Variants in EYS observed in about 807,000 individuals in gnomAD.
EYS encodes protein eyes shut homolog.
Under a neutral mutation model 282.1 loss-of-function variants are expected in EYS, and 250 were observed. The observed-to-expected ratio is 0.89, with a 90% CI of 0.80 to 0.98. The LOEUF is 0.98. EYS is among the 50% of genes least tolerant of loss of function. The pLI is 0.00. For missense variants in EYS, 4,016 were observed against 3,709.0 expected (o/e 1.08, Z -2.15); for synonymous variants, 1,355 against 1,282.9 (o/e 1.06, Z -1.20).
chr6:64,603,067 A>G (rs370252928), intron 24 of EYS, among the ~76,000 whole-genome samples: 1 of 151,976 alleles, frequency 6.6e-6, no homozygotes, highest in Non-Finnish European at 1.5e-5. Flanking sequence ...AGAATATGTA[A>G]TATCATGGAT....
intron 24 of EYS, among the ~76,000 whole-genome samples, chr6:64,599,354 T>A (rs1323474003): frequency 6.6e-6 from 1 of 152,200 alleles, no homozygotes; most frequent in East Asian, 1.9e-4. Flanking sequence ...GAGTAAAGTT[T>A]GTATTCAGGG....
chr6:65,681,101 G>A (rs750384107), intron 1 of EYS, among the ~76,000 whole-genome samples: 1 of 149,040 alleles, frequency 6.7e-6, no homozygotes, highest in Non-Finnish European at 1.5e-5. Flanking sequence ...GAGATTCTAA[G>A]GATTCAATTC....
chr6:64,313,773 C>T (rs1769823638), intron 29 of EYS, among the ~76,000 whole-genome samples: 1 of 152,058 alleles, frequency 6.6e-6, no homozygotes, highest in African/African-American at 2.4e-5. Context: ...ACCTAAGCTT[C>T]ATAAGTGAAG....
In EYS at chr6:63,727,551, C is replaced by A. The variant is rs542521346; in HGVS notation, c.8072-871G>T. Among the ~76,000 whole-genome samples, 105 of 149,138 alleles carry A rather than the reference C, an allele frequency of 7.0e-4. 1 individual carries two copies. The South Asian group carries it at 0.022, about 31-fold the overall frequency. On this transcript the variant is annotated intron_variant, in intron 41 of 42. Coordinates refer to ENST00000503581, the MANE Select transcript of EYS (RefSeq NM_001142800.2). ...GCCAAGAATGCAAAGCGCTATACCT[C>A]ATTCCTAGAGGGCCTGATTTATTAA...
chr6:64,341,316 G>A (rs924708318), intron 29 of EYS, among the ~76,000 whole-genome samples: 1 of 151,718 alleles, frequency 6.6e-6, no homozygotes, highest in Non-Finnish European at 1.5e-5. Flanking sequence ...ATGGTGGATT[G>A]GATAAATAAA....
intron 1 of EYS, among the ~76,000 whole-genome samples, chr6:65,664,166 G>A (rs1366673219): frequency 1.3e-5 from 2 of 151,948 alleles, no homozygotes; most frequent in East Asian, 1.9e-4. Context: ...CACCGCGCCC[G>A]GCCCATAAAT....
chr6:65,036,360 C>G (rs886639874), intron 13 of EYS, among the ~76,000 whole-genome samples: 1 of 151,744 alleles, frequency 6.6e-6, no homozygotes. Context: ...AAATGTATCA[C>G]CTAAAACTAT....
chr6:64,161,432 C>T (rs1186058290), intron 31 of EYS, among the ~76,000 whole-genome samples: 1 of 152,064 alleles, frequency 6.6e-6, no homozygotes, highest in Non-Finnish European at 1.5e-5. Flanking sequence ...TAAGATCTCC[C>T]ACAACAAAAT....
chr6:65,299,409 C>A (rs551703158), intron 11 of EYS, among the ~76,000 whole-genome samples: 1 of 151,982 alleles, frequency 6.6e-6, no homozygotes, highest in African/African-American at 2.4e-5. Context: ...CCCCTGACCC[C>A]CCCCAAAAAA....
chr6:64,071,179 G>A (rs1373906975), intron 32 of EYS, among the ~76,000 whole-genome samples: 2 of 152,190 alleles, frequency 1.3e-5, no homozygotes, highest in East Asian at 3.9e-4. Context: ...AGGGCTCAAA[G>A]AATGGTTCAG....
At chr6:63,865,846 T>C (rs1772659253) in intron 35 of EYS, among the ~76,000 whole-genome samples, 1 of 152,200 alleles carries the variant, frequency 6.6e-6, no homozygotes, top group South Asian at 2.1e-4. Context: ...TCCATGATAA[T>C]GTTGTGAAAC....
intron 28 of EYS, among the ~76,000 whole-genome samples, chr6:64,405,259 G>A (rs1212035327): frequency 6.6e-6 from 1 of 152,102 alleles, no homozygotes; most frequent in African/African-American, 2.4e-5. Flanking sequence ...TCAAATAGGA[G>A]ACTTGGGAAA....
intron 31 of EYS, among the ~76,000 whole-genome samples, chr6:64,187,461 T>C (rs1420638182): frequency 6.6e-6 from 1 of 152,082 alleles, no homozygotes; most frequent in East Asian, 1.9e-4. Context: ...TGGAAAACAT[T>C]TGAAATACAA....
intron 19 of EYS, among the ~76,000 whole-genome samples, chr6:64,839,731 G>C (rs964113067): frequency 6.6e-6 from 1 of 151,982 alleles, no homozygotes; most frequent in African/African-American, 2.4e-5. Flanking sequence ...GGTAAATGCT[G>C]CTCTGTTTTC....
chr6:63,989,214 A>G (rs1477825758), intron 34 of EYS, among the ~76,000 whole-genome samples: 1 of 151,684 alleles, frequency 6.6e-6, no homozygotes, highest in Non-Finnish European at 1.5e-5. Context: ...ACTGGCTTTT[A>G]TTTAAGAGTC....
chr6:63,944,737 C>G (rs1162973912), intron 35 of EYS, among the ~76,000 whole-genome samples: 1 of 151,746 alleles, frequency 6.6e-6, no homozygotes, highest in Non-Finnish European at 1.5e-5. Context: ...ACCAGCCTGG[C>G]CAACGTGGCA....
chr6:64,560,539 G>T (rs542606241), intron 26 of EYS, among the ~76,000 whole-genome samples: 3 of 152,046 alleles, frequency 2.0e-5, no homozygotes, highest in African/African-American at 7.2e-5. Flanking sequence ...AAACAGCAAG[G>T]TTCATAAAAT....
intron 31 of EYS, among the ~76,000 whole-genome samples, chr6:64,099,522 A>G (rs1772752463): frequency 6.6e-6 from 1 of 152,194 alleles, no homozygotes; most frequent in Non-Finnish European, 1.5e-5. Flanking sequence ...AATTCAATCT[A>G]TGAGGAACTT....
chr6:64,258,015 A>G (rs9342192), intron 30 of EYS, among the ~76,000 whole-genome samples: 104,134 of 151,494 alleles, frequency 0.69, 35,794 homozygotes, highest in South Asian at 0.71. Flanking sequence ...ATCAAATCTT[A>G]ATATGGCTCT....
Sources: gnomAD v4.1 joint callset for allele counts (sites outside exome capture counted in the v4.1 genomes callset) on GRCh38, gnomAD v4.1.1 for gene constraint, MANE v1.5 for transcripts, NCBI Gene and HGNC (gene_info 2026-07-23, HGNC 2026-07-21) for gene names.